The following TCF3 variants were observed in gnomAD, a reference collection of about 807,000 sequenced individuals.
The protein encoded by TCF3 is transcription factor 3, also known as transcription factor E2-alpha.
In TCF3, 54 loss-of-function variants were observed where a neutral mutation model predicts 72.3. The ratio of observed to expected loss-of-function variants is 0.75; its 90% CI spans 0.60 to 0.94. TCF3 has a LOEUF of 0.94. TCF3 is among the 40% of genes least tolerant of loss of function. TCF3 has a pLI of 0.00. For missense variants in TCF3, 1,078 were observed against 934.4 expected (o/e 1.15, Z -2.00); for synonymous variants, 525 against 412.6 (o/e 1.27, Z -3.30).
In TCF3 at chr19:1,615,813, G is replaced by A. The variant is rs771807324; in HGVS notation, c.1459C>T (p.Arg487Ter). 1.3e-6 allele frequency: 2 copies of A among 1,557,754 alleles called. No homozygotes were observed. The highest frequency in any genetic ancestry group is 1.8e-5 in the Admixed American group (1 of 55,808). Residue 487 changes from arginine (R) to a stop codon, truncating the protein, a stop_gained, in exon 17 of 19, where the codon CGA becomes TGA. Transcript: ENST00000262965. LOFTEE classifies it high-confidence loss of function. The surrounding 1 kb of genome is among the most constrained non-coding windows in gnomAD (Gnocchi z 7.3). ...CTGGCGGCCGCCGTGGCACCTGCTC[G>A]CCCTAGCCCTGCAACAGGCCTAGGG... is the stretch of plus-strand genomic sequence containing the variant. ...RPPDSYSGLG[R>*]AGATAAASEI... is the part of the protein sequence containing the mutation.
chr19:1,619,293 C>G, intron 15 of TCF3, 23 bp downstream of exon 15: 1 of 1,568,330 alleles, frequency 6.4e-7, no homozygotes, highest in Non-Finnish European at 8.6e-7. Flanking sequence ...CACTGCCCAG[C>G]TCCACCCTCG....
In TCF3 at chr19:1,610,395, G is replaced by T. The variant is rs983849540; in HGVS notation, c.*1312C>A. The T allele has an allele frequency of 4.3e-6, 1 of 231,454 alleles. No homozygotes were observed. The highest frequency in any genetic ancestry group is 6.1e-5 in the East Asian group (1 of 16,342). 14.3% of individuals were successfully genotyped at this position (231,454 alleles called of 1,614,324 possible). A position where few individuals can be genotyped will look rare whatever the true frequency, so the allele number is the denominator to read the frequency against. ...CCTGGCATCCTGTCTACGTCACGAT[G>T]GCCCTCTGGTGTAATGGGGACATGG... On this transcript the variant is annotated 3_prime_UTR_variant, in exon 19 of 19. Coordinates refer to ENST00000262965, the MANE Select transcript of TCF3 (RefSeq NM_003200.5).
chr19:1,650,083 G>T, intron 2 of TCF3, 94 bp downstream of exon 2: 1 of 1,247,112 alleles, frequency 8.0e-7, no homozygotes, highest in Non-Finnish European at 1.1e-6. Flanking sequence ...AGGCTCCATC[G>T]CTGAAGTATT....
intron 3 of TCF3, among the ~76,000 whole-genome samples, chr19:1,644,517 C>T (rs1600097130): frequency 6.6e-6 from 1 of 152,328 alleles, no homozygotes. Context: ...AGCCTCCGCC[C>T]TAACGTGTGA....
At chr19:1,619,942 C>T (rs972353888) in intron 13 of TCF3, 89 bp from the exon 14 acceptor site, 101 of 1,188,184 alleles carry the variant, frequency 8.5e-5, no homozygotes, top group Admixed American at 5.0e-4. Context: ...TGAACCACCC[C>T]GCCTGTCCAG....
intron 1 of TCF3, among the ~76,000 whole-genome samples, 182 bp downstream of exon 1, chr19:1,652,118 C>T (rs1329986947): frequency 2.0e-5 from 3 of 150,278 alleles, no homozygotes; most frequent in African/African-American, 7.3e-5. Context: ...CGTCGCCGCC[C>T]CCCCGGCGCC....
chr19:1,633,761 G>A (rs1303568036), intron 3 of TCF3, among the ~76,000 whole-genome samples: 7 of 152,160 alleles, frequency 4.6e-5, no homozygotes, highest in African/African-American at 1.7e-4. Flanking sequence ...CACGGCATTC[G>A]CTGCCAGGTC....
chr19:1,636,579 C>T (rs931256260), intron 3 of TCF3, among the ~76,000 whole-genome samples: 4 of 152,318 alleles, frequency 2.6e-5, no homozygotes, highest in East Asian at 1.9e-4. Context: ...GGGTCACAGG[C>T]GTGCACAGCC....
chr19:1,614,691 G>A lies in TCF3; in HGVS notation c.1822+594C>T, dbSNP rs2061375384. Among the ~76,000 whole-genome samples, 1 of 152,278 alleles carries A rather than the reference G, an allele frequency of 6.6e-6. No individual in the cohort carries two copies. Among genetic ancestry groups the A allele is most frequent in the East Asian group, 1.9e-4 (1 of 5,178 alleles). On this transcript the variant is annotated intron_variant, in intron 18 of 18. Coordinates refer to ENST00000262965, the MANE Select transcript of TCF3 (RefSeq NM_003200.5). This position sits in a 1 kb window ranked among gnomAD's most constrained non-coding sequence, Gnocchi z 5.6. ...AAGGAAGCAGCCGCCAGCGCCAGCGGGGGGAAGGAGTCAGCTCACATCTGC... is the reference window on the plus strand; with the variant it reads ...AAGGAAGCAGCCGCCAGCGCCAGCGAGGGGAAGGAGTCAGCTCACATCTGC...
intron 15 of TCF3, 30 bp from the exon 16 acceptor site, chr19:1,619,264 G>C: frequency 1.3e-6 from 2 of 1,575,654 alleles, no homozygotes; most frequent in Non-Finnish European, 1.7e-6. Flanking sequence ...GGTGCATCAG[G>C]GGGAGCCGGG....
Position 1,615,534 on chromosome 19 carries a change from G to A in TCF3, c.1587-14C>T, listed in dbSNP as rs768881814. On this transcript the variant is annotated splice_polypyrimidine_tract_variant and intron_variant, in intron 17 of 18. Transcript: ENST00000262965. This position sits in a 1 kb window ranked among gnomAD's most constrained non-coding sequence, Gnocchi z 7.3. ...TCCTCGTCTGGGCTATGGGGAGGGC[G>A]CCGGGAGGGGGCCAGAGGGAGACAG... is the stretch of plus-strand genomic sequence containing the variant. 38 of 1,605,362 alleles carry A rather than the reference G, an allele frequency of 2.4e-5. No individual in the cohort carries two copies. The highest frequency in any genetic ancestry group is 8.9e-5 in the East Asian group (4 of 44,874).
At chr19:1,629,981 A>G (rs972490015) in intron 5 of TCF3, among the ~76,000 whole-genome samples, 9 of 152,080 alleles carry the variant, frequency 5.9e-5, no homozygotes, top group Admixed American at 2.0e-4. Flanking sequence ...GAGAAAACTG[A>G]GGCCATAGGA....
At chr19:1,631,549 G>C (rs766995744) in intron 5 of TCF3, among the ~76,000 whole-genome samples, 1 of 152,052 alleles carries the variant, frequency 6.6e-6, no homozygotes, top group Non-Finnish European at 1.5e-5. Flanking sequence ...TATTACAGGC[G>C]TGAGCCACCG....
At chr19:1,612,951 C>T (rs2061182014) in intron 18 of TCF3, among the ~76,000 whole-genome samples, 1 of 142,076 alleles carries the variant, frequency 7.0e-6, no homozygotes, top group Non-Finnish European at 1.5e-5. Flanking sequence ...ACACAGCTTA[C>T]GTTGCTGGGC....
At chr19:1,641,320 C>CA (rs904177272) in intron 3 of TCF3, among the ~76,000 whole-genome samples, 8 of 152,014 alleles carry the variant, frequency 5.3e-5, no homozygotes, top group Non-Finnish European at 8.8e-5. Context: ...ACAAAATACT[C>CA]AAAGTGAAAA....
chr19:1,622,281 C>A, intron 9 of TCF3, 32 bp downstream of exon 9: 3 of 1,503,118 alleles, frequency 2.0e-6, no homozygotes, highest in Middle Eastern at 1.8e-4. Context: ...CCTGCCCTAC[C>A]GTCCCTGGCG....
At chr19:1,623,382 CTTTTTT>C (rs371876498) in intron 8 of TCF3, among the ~76,000 whole-genome samples, 1 of 129,860 alleles carries the variant, frequency 7.7e-6, no homozygotes, top group Non-Finnish European at 1.6e-5. Flanking sequence ...GCACCCCCCG[CTTTTTT>C]TTTTTTTTTT....
Position 1,615,820 on chromosome 19 carries a change from C to A in TCF3, c.1452G>T (p.Gly484=), listed in dbSNP as rs2061497348. The A allele has an allele frequency of 6.4e-7, 1 of 1,556,456 alleles. No homozygotes were observed. The highest frequency in any genetic ancestry group is 8.7e-7 in the Non-Finnish European group (1 of 1,148,240). ...DLSRPPDSYS[G]LGRAGATAAA... Reference sequence around the variant, plus strand: ...CCGCCGTGGCACCTGCTCGCCCTAGCCCTGCAACAGGCCTAGGGTCAGGGG... The same window carrying A: ...CCGCCGTGGCACCTGCTCGCCCTAGACCTGCAACAGGCCTAGGGTCAGGGG... Residue 484 remains glycine, a splice_region_variant and synonymous_variant, in exon 17 of 19, where the codon GGG becomes GGT. Transcript: ENST00000262965. This position sits in a 1 kb window ranked among gnomAD's most constrained non-coding sequence, Gnocchi z 7.3.
At chr19:1,642,171 CGT>C (rs2065366745) in intron 3 of TCF3, among the ~76,000 whole-genome samples, 1 of 150,400 alleles carries the variant, frequency 6.6e-6, no homozygotes, top group Non-Finnish European at 1.5e-5. Flanking sequence ...CACACGCACG[CGT>C]ACACACACGC....
Sources: allele counts gnomAD v4.1 joint callset (sites outside exome capture counted in the v4.1 genomes callset), GRCh38; gene constraint gnomAD v4.1.1; non-coding constraint Gnocchi (gnomAD v3.1); transcripts MANE v1.5; gene names NCBI Gene and HGNC (gene_info 2026-07-23, HGNC 2026-07-21).